Variants in B3GALT1 observed in about 807,000 individuals in gnomAD.
B3GALT1 encodes the protein beta-1,3-galactosyltransferase 1.
B3GALT1 carries 10 observed loss-of-function variants against 23.2 expected under a neutral mutation model. That is an observed-to-expected ratio of 0.43 (90% CI 0.27 to 0.73). The LOEUF is 0.73. Ranked by LOEUF, B3GALT1 falls within the 30% of genes least tolerant of loss-of-function variation. The pLI is 0.21. For synonymous variants in B3GALT1, 156 were observed against 141.5 expected (o/e 1.10, Z -0.73); for missense variants, 299 against 405.4 (o/e 0.74, Z 2.25).
intron 1 of B3GALT1, among the ~76,000 whole-genome samples, chr2:167,429,568 T>C (rs1362534633): frequency 6.7e-6 from 1 of 150,284 alleles, no homozygotes; most frequent in East Asian, 2.0e-4. Context: ...ATAGTGAAAA[T>C]TTTTTTTTAT....
intron 3 of B3GALT1, among the ~76,000 whole-genome samples, chr2:167,787,612 G>A (rs1254825651): frequency 6.6e-6 from 1 of 152,200 alleles, no homozygotes; most frequent in African/African-American, 2.4e-5. Flanking sequence ...TTTCAAGAGA[G>A]GTGCTTCCCC....
chr2:167,358,323 A>G (rs940235736), intron 1 of B3GALT1, among the ~76,000 whole-genome samples: 2 of 152,178 alleles, frequency 1.3e-5, no homozygotes, highest in Admixed American at 1.3e-4. Context: ...GATTTCAGTG[A>G]CGGACATTGA....
chr2:167,825,164 A>C (rs1314552001), intron 4 of B3GALT1, among the ~76,000 whole-genome samples: 1 of 151,706 alleles, frequency 6.6e-6, no homozygotes, highest in Non-Finnish European at 1.5e-5. Flanking sequence ...GGGCACCTGT[A>C]GTCCAGCTGC....
chr2:167,664,569 C>T lies in B3GALT1; in HGVS notation c.-352+17603C>T, dbSNP rs566293197. ...ACCTTGGGCAGTATGACCATTTTCA[C>T]GATATTGATTCTTCCTACCCATGAG... On this transcript the variant is annotated intron_variant, in intron 3 of 4. Transcript: ENST00000392690. 6.4e-3 allele frequency among the ~76,000 whole-genome samples: 943 copies of T among 146,640 alleles called. 12 individuals are homozygous for T. The highest frequency in any genetic ancestry group is 0.023 in the African/African-American group (881 of 37,598).
intron 3 of B3GALT1, among the ~76,000 whole-genome samples, chr2:167,660,875 G>A (rs1686048950): frequency 6.6e-6 from 1 of 152,110 alleles, no homozygotes; most frequent in Non-Finnish European, 1.5e-5. Context: ...AATATGTGCA[G>A]CTGAAAATCA....
intron 1 of B3GALT1, among the ~76,000 whole-genome samples, chr2:167,447,971 T>C (rs559158655): frequency 1.6e-4 from 24 of 152,352 alleles, no homozygotes; most frequent in African/African-American, 5.5e-4. Context: ...GAGCTGTTCC[T>C]ATTCGGCCAT....
At chr2:167,314,816 A>G (rs1696687255) in intron 1 of B3GALT1, among the ~76,000 whole-genome samples, 1 of 152,100 alleles carries the variant, frequency 6.6e-6, no homozygotes, top group South Asian at 2.1e-4. Context: ...TCTCACAAAT[A>G]AAGGTCATAG....
At chr2:167,651,236 TTGTG>T (rs747590317) in intron 3 of B3GALT1, among the ~76,000 whole-genome samples, 25 of 89,312 alleles carry the variant, frequency 2.8e-4, no homozygotes, top group African/African-American at 8.7e-4. Context: ...AGCAGAAAGG[TTGTG>T]TGTGTGTGTG....
chr2:167,414,064 G>A (rs1170307008), intron 1 of B3GALT1, among the ~76,000 whole-genome samples: 1 of 152,060 alleles, frequency 6.6e-6, no homozygotes, highest in African/African-American at 2.4e-5. Context: ...AGATTAAAAA[G>A]ACAAAAGTAT....
intron 2 of B3GALT1, among the ~76,000 whole-genome samples, chr2:167,579,309 C>T (rs1684438979): frequency 6.6e-6 from 1 of 151,690 alleles, no homozygotes; most frequent in African/African-American, 2.4e-5. Context: ...TCAACTATTA[C>T]TATTTTCTAT....
At chr2:167,688,916 A>G (rs1391307124) in intron 3 of B3GALT1, among the ~76,000 whole-genome samples, 3 of 152,042 alleles carry the variant, frequency 2.0e-5, no homozygotes, top group African/African-American at 7.2e-5. Context: ...TGTATTTACT[A>G]TGTGTGTATG....
At chr2:167,739,011 A>G (rs1024200873) in intron 3 of B3GALT1, among the ~76,000 whole-genome samples, 1 of 152,180 alleles carries the variant, frequency 6.6e-6, no homozygotes, top group Non-Finnish European at 1.5e-5. Context: ...CCTATGCTAC[A>G]CCTACCCTAC....
intron 3 of B3GALT1, among the ~76,000 whole-genome samples, chr2:167,711,493 GACAAGAGT>G (rs1687047846): frequency 6.6e-6 from 1 of 152,146 alleles, no homozygotes; most frequent in Non-Finnish European, 1.5e-5. Context: ...ACTACTGACT[GACAAGAGT>G]ACAGAAGAAA....
chr2:167,442,654 T>G (rs1218581404), intron 1 of B3GALT1, among the ~76,000 whole-genome samples: 1 of 150,890 alleles, frequency 6.6e-6, no homozygotes, highest in African/African-American at 2.5e-5. Flanking sequence ...TTTTCATGTG[T>G]TTTTTGGCTG....
At chr2:167,391,212 C>A (rs1340279362) in intron 1 of B3GALT1, among the ~76,000 whole-genome samples, 2 of 152,142 alleles carry the variant, frequency 1.3e-5, no homozygotes, top group Non-Finnish European at 2.9e-5. Flanking sequence ...CAGAACACAG[C>A]AGTACTAGGC....
chr2:167,450,343 T>C (rs1312853959), intron 1 of B3GALT1, among the ~76,000 whole-genome samples: 1 of 152,168 alleles, frequency 6.6e-6, no homozygotes, highest in Non-Finnish European at 1.5e-5. Context: ...TTTTCAGGAA[T>C]TTATCCATCT....
Position 167,486,770 on chromosome 2 carries a change from G to A in B3GALT1, c.-510-3407G>A, listed in dbSNP as rs183620887. Reference sequence around the variant, plus strand: ...GAGAAAGTAAATATGAAAGAATGACGAGGAAATACAGAGAACTGATACTCA... The same window carrying A: ...GAGAAAGTAAATATGAAAGAATGACAAGGAAATACAGAGAACTGATACTCA... On this transcript the variant is annotated intron_variant, in intron 1 of 4. Coordinates refer to ENST00000392690, the MANE Select transcript of B3GALT1 (RefSeq NM_020981.4). Among the ~76,000 whole-genome samples, 387 of 152,162 alleles carry A rather than the reference G, an allele frequency of 2.5e-3. 1 individual carries two copies. Among genetic ancestry groups the A allele is most frequent in the African/African-American group, 8.6e-3 (358 of 41,526 alleles).
intron 2 of B3GALT1, among the ~76,000 whole-genome samples, chr2:167,583,404 G>A (rs1206385449): frequency 6.6e-6 from 1 of 152,090 alleles, no homozygotes; most frequent in African/African-American, 2.4e-5. Context: ...AGAAATTTAA[G>A]AAATTCATTT....
intron 2 of B3GALT1, among the ~76,000 whole-genome samples, chr2:167,596,193 G>T (rs1684770789): frequency 6.6e-6 from 1 of 152,202 alleles, no homozygotes; most frequent in South Asian, 2.1e-4. Context: ...GAGAGAAATA[G>T]AATGAGAACA....
Sources: gnomAD v4.1 joint callset for allele counts (sites outside exome capture counted in the v4.1 genomes callset) on GRCh38, gnomAD v4.1.1 for gene constraint, MANE v1.5 for transcripts, NCBI Gene and HGNC (gene_info 2026-07-23, HGNC 2026-07-21) for gene names.